LRP1: variants seen among roughly 807,000 people sequenced by gnomAD.
LRP1 encodes LDL receptor related protein 1, also known as prolow-density lipoprotein receptor-related protein 1.
In LRP1, 51 loss-of-function variants were observed where a neutral mutation model predicts 541.5. The ratio of observed to expected loss-of-function variants is 0.09; its 90% CI spans 0.08 to 0.12. LRP1 has a LOEUF of 0.12. Among genes scored for constraint, LRP1 ranks in the 10% least tolerant of loss-of-function variants. LRP1 has a pLI of 1.00. For synonymous variants in LRP1, 2,219 were observed against 2,470.8 expected, an observed-to-expected ratio of 0.90 and a Z score of 3.02; for missense variants, 3,878 against 6,376.2, an observed-to-expected ratio of 0.61 and a Z score of 13.34.
intron 6 of LRP1, among the ~76,000 whole-genome samples, chr12:57,151,072 G>A (rs1408337357): frequency 2.6e-5 from 4 of 152,204 alleles, no homozygotes; most frequent in South Asian, 4.2e-4. Flanking sequence ...CCTTCCTTCC[G>A]ATTTCCTTAT....
intron 41 of LRP1, among the ~76,000 whole-genome samples, chr12:57,186,347 G>A (rs754764457): frequency 1.6e-4 from 24 of 152,326 alleles, no homozygotes; most frequent in Admixed American, 1.3e-4. Flanking sequence ...TGCTGGGGAC[G>A]GAGTGTGTGC....
chr12:57,191,866 ACCACACATACCACACACACC>A (rs2036399192), intron 44 of LRP1, among the ~76,000 whole-genome samples: 1 of 76,930 alleles, frequency 1.3e-5, no homozygotes. Flanking sequence ...CCACATACAC[ACCACACATACCACACACACC>A]CCACACATAC....
chr12:57,191,972 CAT>C (rs1272984687), intron 44 of LRP1, among the ~76,000 whole-genome samples: 1 of 75,528 alleles, frequency 1.3e-5, no homozygotes, highest in Non-Finnish European at 3.0e-5. Flanking sequence ...ACACACCACA[CAT>C]GACACATACA....
At position 57,204,763 on chromosome 12, in the gene LRP1, C is replaced by T. The variant is rs769925474; in HGVS notation, c.11194+14C>T. 22 of 1,613,262 alleles carry T rather than the reference C, an allele frequency of 1.4e-5. No individual in the cohort carries two copies. The highest frequency in any genetic ancestry group is 1.7e-5 in the Non-Finnish European group (20 of 1,179,704). ...AAGAGGACTGTGGTGAGCAGGGGGC[C>T]GACGAGAGGCCTGCAGGGGACGGGT... is the stretch of plus-strand genomic sequence containing the variant. On this transcript the variant is annotated intron_variant, in intron 72 of 88. Coordinates refer to ENST00000243077, the MANE Select transcript of LRP1 (RefSeq NM_002332.3). The surrounding 1 kb of genome is among the most constrained non-coding windows in gnomAD (Gnocchi z 5.3).
intron 1 of LRP1, among the ~76,000 whole-genome samples, chr12:57,131,344 G>A (rs1407856895): frequency 2.0e-5 from 3 of 152,222 alleles, no homozygotes; most frequent in African/African-American, 7.2e-5. Context: ...TGGAGAGGTT[G>A]CAGAAAGATG....
chr12:57,200,923 AG>A, intron 64 of LRP1, 108 bp downstream of exon 64: 1 of 1,572,030 alleles, frequency 6.4e-7, no homozygotes, highest in Non-Finnish European at 8.7e-7. Flanking sequence ...CTTGCTCTCC[AG>A]GCTGGATTCC....
rs1555186111 is a variant in LRP1 at position 57,191,371 on chromosome 12, G to A, written c.7288G>A (p.Glu2430Lys). Residue 2430 changes from glutamate to lysine, a missense_variant, in exon 44 of 89, where the codon GAG becomes AAG. By Grantham distance (56) the Glu-to-Lys change is moderately conservative (BLOSUM62 1). Coordinates refer to ENST00000243077, the MANE Select transcript of LRP1 (RefSeq NM_002332.3). ...VHPFGLAVYGEHIFWTDWVRR... is the reference protein window; with the variant it reads ...VHPFGLAVYGKHIFWTDWVRR... ...CCCCTTCGGGCTGGCCGTGTATGGG[G>A]AGCACATTTTCTGGACTGACTGGGT... 1 of 1,613,108 alleles carries A rather than the reference G, an allele frequency of 6.2e-7. No individual in the cohort carries two copies. The highest frequency in any genetic ancestry group is 1.3e-5 in the African/African-American group (1 of 74,842).
In LRP1 at chr12:57,159,956, G is replaced by C. The variant is rs574151800; in HGVS notation, c.1930G>C (p.Glu644Gln). 1.2e-6 allele frequency: 2 copies of C among 1,614,112 alleles called. No homozygotes were observed. The highest frequency in any genetic ancestry group is 2.2e-5 in the South Asian group (2 of 91,070). Residue 644 changes from glutamate (E) to glutamine (Q), a missense_variant, in exon 12 of 89, where the codon GAG becomes CAG. Transcript: ENST00000243077. Reference sequence around the variant, plus strand: ...TGCTCAGACCCGCAAGACTTTAATCGAGGGCAAAATGACACACCCCAGGGC... The same window carrying C: ...TGCTCAGACCCGCAAGACTTTAATCCAGGGCAAAATGACACACCCCAGGGC... ...KAAQTRKTLI[E>Q]GKMTHPRAIV...
intron 2 of LRP1, among the ~76,000 whole-genome samples, chr12:57,139,489 C>G (rs1218300835): frequency 6.6e-6 from 1 of 152,104 alleles, no homozygotes; most frequent in Non-Finnish European, 1.5e-5. Flanking sequence ...TGTCTGGTGC[C>G]ACCTGCACCC....
chr12:57,201,188 G>C lies in LRP1; in HGVS notation c.10345+35G>C, dbSNP rs1216866106. 2 of 1,611,744 alleles carry C rather than the reference G, an allele frequency of 1.2e-6. No homozygotes were observed. Among genetic ancestry groups the C allele is most frequent in the African/African-American group, 2.7e-5 (2 of 74,892 alleles). On this transcript the variant is annotated intron_variant, in intron 65 of 88. Coordinates refer to ENST00000243077, the MANE Select transcript of LRP1 (RefSeq NM_002332.3). The surrounding 1 kb of genome is among the most constrained non-coding windows in gnomAD (Gnocchi z 6.4). Reference sequence around the variant, plus strand: ...AGAGGTGGTGGTGGGCCGGTGGTGGGAGATGACACGGAAGCAGGGCAGGCA... The same window carrying C: ...AGAGGTGGTGGTGGGCCGGTGGTGGCAGATGACACGGAAGCAGGGCAGGCA...
Position 57,211,989 on chromosome 12 carries a change from G to C in LRP1, c.13321G>C (p.Val4441Leu). The C allele has an allele frequency of 6.2e-7, 1 of 1,614,122 alleles. No individual in the cohort carries two copies. Among genetic ancestry groups the C allele is most frequent in the Non-Finnish European group, 8.5e-7 (1 of 1,180,022 alleles). Residue 4441 changes from valine (V) to leucine (L), a missense_variant, in exon 87 of 89, where the codon GTA (valine) becomes CTA (leucine). By Grantham distance (32) the Val-to-Leu change is conservative (BLOSUM62 1). Coordinates refer to ENST00000243077, the MANE Select transcript of LRP1 (RefSeq NM_002332.3). This position sits in a 1 kb window ranked among gnomAD's most constrained non-coding sequence, Gnocchi z 4.3. ...GCTGCTGGTTCTGGTGGCCGGAGTG[G>C]TATTCTGGTATAAGCGGCGAGTCCA... ...LLLLVLVAGV[V>L]FWYKRRVQGA...
intron 6 of LRP1, chr12:57,149,789 C>T (rs10876966): frequency 0.21 from 148,282 of 704,768 alleles, 16,787 homozygotes; most frequent in Admixed American, 0.27. Flanking sequence ...AAACAAGGAG[C>T]ATGAGGCCAC....
chr12:57,193,931 C>T lies in LRP1; in HGVS notation c.7837C>T (p.Arg2613Trp), dbSNP rs367968116. ...CTGTGGTGTGGGCGAGTTCCGCTGC[C>T]GGGACGGGACCTGCATCGGGAACTC... is the stretch of plus-strand genomic sequence containing the variant. ...TACGVGEFRC[R>W]DGTCIGNSSR... The change falls in exon 48 of 89, where the codon CGG (arginine) becomes TGG (tryptophan). Residue 2613 changes from arginine to tryptophan, a missense_variant. Physicochemically the swap from Arg to Trp is moderately radical, Grantham distance 101 (BLOSUM62 -3). Coordinates refer to ENST00000243077, the MANE Select transcript of LRP1 (RefSeq NM_002332.3). The T allele has an allele frequency of 1.5e-5, 25 of 1,613,986 alleles. No individual in the cohort carries two copies. Among genetic ancestry groups the T allele is most frequent in the Admixed American group, 5.0e-5 (3 of 60,008 alleles).
In LRP1 at chr12:57,179,721, T is replaced by A; in HGVS notation, c.4967-61T>A. On this transcript the variant is annotated intron_variant, in intron 29 of 88. Transcript: ENST00000243077. The surrounding 1 kb of genome is among the most constrained non-coding windows in gnomAD (Gnocchi z 6.8). ...CCTTTTCTCCAGAAGGCACACTGGC[T>A]CCCCTCCTGACCCACTGCCCTGCAG... is the stretch of plus-strand genomic sequence containing the variant. 6.6e-7 allele frequency: 1 copy of A among 1,525,944 alleles called. No individual in the cohort carries two copies. The allele number at this position is 1,525,944 out of a possible 1,614,324, so 94.5% of individuals were successfully genotyped here.
Position 57,203,554 on chromosome 12 carries a change from C to T in LRP1, c.10951+33C>T, listed in dbSNP as rs764981665. On this transcript the variant is annotated intron_variant, in intron 70 of 88. Transcript: ENST00000243077. ...CCTTGGCTTGGTCTCCCTGGGTCCT[C>T]CCTCTGCTGCCCACCCCGCCACATG... The T allele has an allele frequency of 2.7e-6, 4 of 1,473,704 alleles. No homozygotes were observed. The South Asian group carries it at 5.3e-5, about 20-fold the overall frequency. 91.3% of individuals were successfully genotyped at this position (1,473,704 alleles called of 1,614,324 possible).
intron 62 of LRP1, 66 bp downstream of exon 62, chr12:57,200,091 C>T: frequency 7.2e-7 from 1 of 1,379,740 alleles, no homozygotes; most frequent in Non-Finnish European, 1.0e-6. Context: ...TCCTTGGACC[C>T]CAACACCTGC....
Position 57,199,990 on chromosome 12 carries a change from G to A in LRP1, c.9979G>A (p.Gly3327Arg). The A allele has an allele frequency of 6.3e-7, 1 of 1,596,474 alleles. No individual in the cohort carries two copies. The highest frequency in any genetic ancestry group is 8.5e-7 in the Non-Finnish European group (1 of 1,174,658). The change falls in exon 62 of 89, where the codon GGG becomes AGG. Residue 3327 changes from glycine to arginine, a missense_variant. Physicochemically the swap from Gly to Arg is moderately radical, Grantham distance 125 (BLOSUM62 -2). Around this residue, in one of 13 missense-constraint regions of LRP1, gnomAD observed 278 missense variants for 536.3 expected, o/e 0.52. Coordinates refer to ENST00000243077, the MANE Select transcript of LRP1 (RefSeq NM_002332.3). Reference protein sequence around the residue: ...CPTNFYLGSDGRTCVSNCTAS... With the variant: ...CPTNFYLGSDRRTCVSNCTAS... ...CACCAACTTCTACCTGGGCAGCGAT[G>A]GGCGCACCTGTGTGTCCAACTGCAC...
At position 57,211,530 on chromosome 12, in the gene LRP1, G is replaced by A. The variant is rs148215878; in HGVS notation, c.13135G>A (p.Gly4379Ser). 1,723 of 1,614,026 alleles carry A rather than the reference G, an allele frequency of 1.1e-3. 2 individuals are homozygous for A. Among genetic ancestry groups the A allele is most frequent in the Non-Finnish European group, 1.3e-3 (1,493 of 1,180,042 alleles). Residue 4379 changes from glycine to serine, a missense_variant, in exon 85 of 89, where the codon GGC becomes AGC. Physicochemically the swap from Gly to Ser is moderately conservative, Grantham distance 56. Around this residue, in one of 13 missense-constraint regions of LRP1, gnomAD observed 871 missense variants for 1,212.4 expected, o/e 0.72. Transcript: ENST00000243077. This position sits in a 1 kb window ranked among gnomAD's most constrained non-coding sequence, Gnocchi z 4.3. Reference sequence around the variant, plus strand: ...GGCCCCCAGCTGTCTGACCTGCGTCGGCCACTGCAGCAATGGCGGCTCCTG... The same window carrying A: ...GGCCCCCAGCTGTCTGACCTGCGTCAGCCACTGCAGCAATGGCGGCTCCTG... Reference protein sequence around the residue: ...RVAPSCLTCVGHCSNGGSCTM... With the variant: ...RVAPSCLTCVSHCSNGGSCTM...
chr12:57,184,580 T>G lies in LRP1; in HGVS notation c.6186+128T>G. ...GTCACAGGGTCTCCCAGCCCAGCCC[T>G]CCACCCAGAGTAGGACTCCTGCTAC... On this transcript the variant is annotated intron_variant, in intron 38 of 88. Coordinates refer to ENST00000243077, the MANE Select transcript of LRP1 (RefSeq NM_002332.3). This position sits in a 1 kb window ranked among gnomAD's most constrained non-coding sequence, Gnocchi z 7.8. 1 of 1,367,532 alleles carries G rather than the reference T, an allele frequency of 7.3e-7. No homozygotes were observed. Among genetic ancestry groups the G allele is most frequent in the Middle Eastern group, 2.5e-4 (1 of 3,922 alleles). The allele number at this position is 1,367,532 out of a possible 1,614,324, so 84.7% of individuals were successfully genotyped here.
Sources: allele counts gnomAD v4.1 joint callset (sites outside exome capture counted in the v4.1 genomes callset), GRCh38; gene constraint gnomAD v4.1.1; regional missense constraint gnomAD v4.1.1; non-coding constraint Gnocchi (gnomAD v3.1); transcripts MANE v1.5; gene names NCBI Gene and HGNC (gene_info 2026-07-23, HGNC 2026-07-21).